CTNNA3: variants seen among roughly 807,000 people sequenced by gnomAD.
The protein encoded by CTNNA3 is catenin alpha-3.
A neutral mutation model predicts 95.7 loss-of-function variants in CTNNA3; 76 were observed. The observed-to-expected ratio is 0.79, with a 90% CI of 0.66 to 0.96. The LOEUF is 0.96. Among genes scored for constraint, CTNNA3 ranks in the 40% least tolerant of loss-of-function variants. The pLI is 0.00. For synonymous variants in CTNNA3, 431 were observed against 374.4 expected, an observed-to-expected ratio of 1.15 and a Z score of -1.74; for missense variants, 1,191 against 1,089.8, an observed-to-expected ratio of 1.09 and a Z score of -1.31.
intron 11 of CTNNA3, among the ~76,000 whole-genome samples, chr10:66,438,186 C>T (rs900107881): frequency 6.6e-6 from 1 of 152,208 alleles, no homozygotes; most frequent in Non-Finnish European, 1.5e-5. Flanking sequence ...CAGGGACCCA[C>T]TTGAGGAGGC....
At chr10:66,599,879 G>A (rs1015787670) in intron 10 of CTNNA3, among the ~76,000 whole-genome samples, 1 of 151,968 alleles carries the variant, frequency 6.6e-6, no homozygotes, top group Non-Finnish European at 1.5e-5. Context: ...ATGTGAGACA[G>A]AGTAAGTGTA....
At chr10:66,723,117 A>G (rs1187807323) in intron 9 of CTNNA3, among the ~76,000 whole-genome samples, 2 of 151,840 alleles carry the variant, frequency 1.3e-5, no homozygotes, top group Non-Finnish European at 2.9e-5. Context: ...AGAAAGAATA[A>G]AGAAAAGGGA....
At position 67,457,167 on chromosome 10, in the gene CTNNA3, A is replaced by G. The variant is rs541490544; in HGVS notation, c.579+64675T>C. ...CAGCAGCACTGAAGTTTCAAGAAAA[A>G]CTGTGGACATTTCCAAGGTCCTGGA... On this transcript the variant is annotated intron_variant, in intron 5 of 17. Transcript: ENST00000433211. 1.7e-3 allele frequency among the ~76,000 whole-genome samples: 264 copies of G among 152,290 alleles called. 1 individual carries two copies. The highest frequency in any genetic ancestry group is 6.1e-3 in the African/African-American group (254 of 41,570).
intron 7 of CTNNA3, among the ~76,000 whole-genome samples, chr10:66,781,200 TTTTTTGTTGTTG>T (rs201135507): frequency 0.01 from 1,584 of 152,292 alleles, 36 homozygotes; most frequent in African/African-American, 0.036. Context: ...CAGGAAAATG[TTTTTTGTTGTTG>T]TTTTTGTTGT....
intron 17 of CTNNA3, among the ~76,000 whole-genome samples, chr10:65,962,552 T>C (rs1193963274): frequency 6.6e-6 from 1 of 152,088 alleles, no homozygotes; most frequent in Non-Finnish European, 1.5e-5. Context: ...GTTTCTCTCT[T>C]AGACTAATTT....
chr10:67,573,712 C>T (rs1245412582), intron 3 of CTNNA3, among the ~76,000 whole-genome samples: 2 of 151,582 alleles, frequency 1.3e-5, no homozygotes, highest in African/African-American at 4.8e-5. Flanking sequence ...CTTCCTCTCT[C>T]CCTCCCTCCC....
At chr10:66,972,397 C>G (rs546012157) in intron 7 of CTNNA3, among the ~76,000 whole-genome samples, 1 of 152,130 alleles carries the variant, frequency 6.6e-6, no homozygotes, top group African/African-American at 2.4e-5. Flanking sequence ...CTCAAGCAGT[C>G]CTCCTGCCTC....
Position 66,767,452 on chromosome 10 carries a change from C to CCAA in CTNNA3, c.1129-1037_1129-1036insTTG, listed in dbSNP as rs558382739. Among the ~76,000 whole-genome samples the CCAA allele has an allele frequency of 8.8e-3, 411 of 46,508 alleles. 3 individuals carry two copies. Among genetic ancestry groups the CCAA allele is most frequent in the African/African-American group, 0.044 (392 of 8,996 alleles). The allele number at this position is 46,508 out of a possible 152,430, so 30.5% of individuals were successfully genotyped here. ...CAGAGTGAGACTCCATCCACTCCCC[C>CCAA]CGACAAAAAAAAAAAAATCATAATA... On this transcript the variant is annotated intron_variant, in intron 8 of 17. Coordinates refer to ENST00000433211, the MANE Select transcript of CTNNA3 (RefSeq NM_013266.4).
chr10:67,085,214 C>G (rs17280801), intron 7 of CTNNA3, among the ~76,000 whole-genome samples: 1,832 of 151,854 alleles, frequency 0.012, 32 homozygotes, highest in South Asian at 0.045. Context: ...TTGTTTTGAT[C>G]AAAGCCATAG....
intron 15 of CTNNA3, among the ~76,000 whole-genome samples, chr10:66,020,220 G>A (rs1430095639): frequency 6.6e-6 from 1 of 152,202 alleles, no homozygotes; most frequent in African/African-American, 2.4e-5. Flanking sequence ...TCCCTTGCAT[G>A]CATCTATCCC....
chr10:65,966,822 T>G (rs2077977751), intron 16 of CTNNA3, 76 bp from the exon 17 acceptor site: 1 of 1,157,120 alleles, frequency 8.6e-7, no homozygotes, highest in East Asian at 2.5e-5. Flanking sequence ...AATACAGTAT[T>G]CACATGGCAG....
chr10:66,674,595 A>G (rs1217954303), intron 9 of CTNNA3, among the ~76,000 whole-genome samples: 1 of 152,036 alleles, frequency 6.6e-6, no homozygotes, highest in African/African-American at 2.4e-5. Flanking sequence ...CCTCCCAAAT[A>G]TCAATGAGGA....
chr10:66,742,069 C>T lies in CTNNA3; in HGVS notation c.1281+24195G>A, dbSNP rs186172820. On this transcript the variant is annotated intron_variant, in intron 9 of 17. Transcript: ENST00000433211. ...AGAGAGAACCTCAAACTCTGACTGCCGGTGAGCCAGGCGGAACAGAGGCAT... is the reference window on the plus strand; with the variant it reads ...AGAGAGAACCTCAAACTCTGACTGCTGGTGAGCCAGGCGGAACAGAGGCAT... Among the ~76,000 whole-genome samples, 414 of 152,250 alleles carry T rather than the reference C, an allele frequency of 2.7e-3. 2 individuals carry two copies. Among genetic ancestry groups the T allele is most frequent in the African/African-American group, 9.2e-3 (382 of 41,554 alleles).
At chr10:67,675,903 A>C (rs1301443793) in intron 1 of CTNNA3, among the ~76,000 whole-genome samples, 1 of 152,030 alleles carries the variant, frequency 6.6e-6, no homozygotes, top group Non-Finnish European at 1.5e-5. Context: ...CTTTATGGCT[A>C]TGTTTTGGGA....
intron 15 of CTNNA3, among the ~76,000 whole-genome samples, chr10:66,063,245 T>C (rs1361393142): frequency 3.4e-5 from 5 of 148,294 alleles, no homozygotes; most frequent in Admixed American, 6.8e-5. Context: ...GATAGATAGA[T>C]AGATAGATCT....
At chr10:66,455,047 T>C (rs1438904200) in intron 11 of CTNNA3, among the ~76,000 whole-genome samples, 1 of 151,192 alleles carries the variant, frequency 6.6e-6, no homozygotes, top group Non-Finnish European at 1.5e-5. Flanking sequence ...AGGAAAAATA[T>C]GTAAAATTCA....
chr10:67,223,719 A>T (rs1309175841), intron 5 of CTNNA3, among the ~76,000 whole-genome samples: 2 of 152,228 alleles, frequency 1.3e-5, no homozygotes, highest in African/African-American at 4.8e-5. Flanking sequence ...TAATTCAACC[A>T]TTCCTTCAAC....
intron 13 of CTNNA3, among the ~76,000 whole-genome samples, chr10:66,236,918 C>A (rs1418830886): frequency 6.6e-6 from 1 of 151,748 alleles, no homozygotes. Context: ...AGTTCGAGAC[C>A]AGCCTAGGCA....
At chr10:66,370,757 T>G (rs1204710929) in intron 12 of CTNNA3, among the ~76,000 whole-genome samples, 2 of 152,166 alleles carry the variant, frequency 1.3e-5, no homozygotes, top group African/African-American at 2.4e-5. Context: ...TTCCCCAGGA[T>G]AGAGTGCAGT....
Sources: gnomAD v4.1 joint callset for allele counts (sites outside exome capture counted in the v4.1 genomes callset) on GRCh38, gnomAD v4.1.1 for gene constraint, MANE v1.5 for transcripts, NCBI Gene and HGNC (gene_info 2026-07-23, HGNC 2026-07-21) for gene names.